SPMAP2: variants seen among roughly 807,000 people sequenced by gnomAD.
The protein encoded by SPMAP2 is sperm microtubule associated protein 2.
the SPMAP2 span, among the ~76,000 whole-genome samples, chr19:365,237 T>A: frequency 1.3e-5 from 2 of 152,236 alleles, no homozygotes; most frequent in Non-Finnish European, 2.9e-5. Flanking sequence ...GCATGCTAAT[T>A]GTCTCTTCTG....
At chr19:365,791 T>C in the SPMAP2 span, among the ~76,000 whole-genome samples, 2 of 151,910 alleles carry the variant, frequency 1.3e-5, no homozygotes, top group Admixed American at 1.3e-4. Context: ...AGCCACACTC[T>C]CGCTCTAACC....
At chr19:373,991 C>G in the SPMAP2 span, 3 of 1,613,526 alleles carry the variant, frequency 1.9e-6, no homozygotes, top group Non-Finnish European at 2.5e-6. Flanking sequence ...CCAGGCATAC[C>G]CCTTACCACA....
chr19:362,500 G>T, the SPMAP2 span: 1 of 1,253,514 alleles, frequency 8.0e-7, no homozygotes, highest in Non-Finnish European at 1.1e-6. Flanking sequence ...GGGCATGGGA[G>T]CTCACACCTG....
At chr19:369,241 G>A in the SPMAP2 span, among the ~76,000 whole-genome samples, 6 of 152,132 alleles carry the variant, frequency 3.9e-5, no homozygotes, top group African/African-American at 7.2e-5. Context: ...CGCGAGAAAC[G>A]GCCAAAACGT....
the SPMAP2 span, among the ~76,000 whole-genome samples, chr19:363,085 G>A: frequency 2.6e-5 from 4 of 152,214 alleles, no homozygotes; most frequent in South Asian, 2.1e-4. Context: ...TGATGGGGGC[G>A]GGGCTGCCTT....
the SPMAP2 span, chr19:373,652 G>T: frequency 1.1e-6 from 1 of 921,764 alleles, no homozygotes; most frequent in Non-Finnish European, 1.7e-6. Flanking sequence ...GGGAGAGGGG[G>T]TAGGCCAGAG....
At chr19:373,540 A>G in the SPMAP2 span, 1 of 1,612,806 alleles carries the variant, frequency 6.2e-7, no homozygotes, top group Non-Finnish European at 8.5e-7. Context: ...GCCTGGAATA[A>G]GCGGACGGCT....
At chr19:373,396 A>T in the SPMAP2 span, 347 of 1,430,834 alleles carry the variant, frequency 2.4e-4, 1 homozygote, top group Non-Finnish European at 3.3e-4. Context: ...AGAAGTATCT[A>T]GATGGGGCGG....
chr19:372,717 A>G, the SPMAP2 span: 1 of 1,613,872 alleles, frequency 6.2e-7, no homozygotes, highest in South Asian at 1.1e-5. Flanking sequence ...AAAATGGGAA[A>G]CGGAGTCAGT....
chr19:364,061 C>G, the SPMAP2 span, among the ~76,000 whole-genome samples: 1 of 151,282 alleles, frequency 6.6e-6, no homozygotes, highest in Non-Finnish European at 1.5e-5. Flanking sequence ...CGGTTGGGCG[C>G]GGTGGCTCAT....
the SPMAP2 span, among the ~76,000 whole-genome samples, chr19:365,710 CCCCA>C: frequency 6.8e-6 from 1 of 147,370 alleles, no homozygotes; most frequent in African/African-American, 2.6e-5. Flanking sequence ...TCACTCTTAC[CCCCA>C]CCACACAGCA....
At chr19:375,193 T>G in the SPMAP2 span, among the ~76,000 whole-genome samples, 1 of 152,196 alleles carries the variant, frequency 6.6e-6, no homozygotes, top group African/African-American at 2.4e-5. Context: ...CAGTGCTGAT[T>G]GGCCGAAGCG....
At chr19:373,667 A>G in the SPMAP2 span, 1 of 625,884 alleles carries the variant, frequency 1.6e-6, no homozygotes, top group Non-Finnish European at 2.8e-6. Context: ...CCAGAGAAGG[A>G]CAGTGGGGGG....
chr19:366,580 T>C, the SPMAP2 span, among the ~76,000 whole-genome samples: 1 of 152,196 alleles, frequency 6.6e-6, no homozygotes, highest in African/African-American at 2.4e-5. Context: ...GGAGAAGTTA[T>C]TGTGCAATGT....
chr19:363,787 G>A, the SPMAP2 span, among the ~76,000 whole-genome samples: 7,115 of 151,078 alleles, frequency 0.047, 538 homozygotes, highest in African/African-American at 0.16. Flanking sequence ...TGCCCGCCTC[G>A]GCCTCCCAAA....
chr19:368,229 C>G, the SPMAP2 span, among the ~76,000 whole-genome samples: 1 of 152,180 alleles, frequency 6.6e-6, no homozygotes, highest in Non-Finnish European at 1.5e-5. This position sits in a 1 kb window ranked among gnomAD's most constrained non-coding sequence, Gnocchi z 4.1. Flanking sequence ...AAAGTGTGTT[C>G]TTTGATGCTT....
the SPMAP2 span, among the ~76,000 whole-genome samples, chr19:363,133 G>T: frequency 3.3e-5 from 5 of 152,316 alleles, 1 homozygote; most frequent in South Asian, 1.0e-3. Context: ...GACTGTGGTG[G>T]TGGTTGCATA....
chr19:364,783 C>A, the SPMAP2 span, among the ~76,000 whole-genome samples: 3 of 152,022 alleles, frequency 2.0e-5, no homozygotes, highest in African/African-American at 7.2e-5. Context: ...TCCCCCACCC[C>A]TTCCTTTATA....
the SPMAP2 span, chr19:375,721 G>A: frequency 6.2e-7 from 1 of 1,607,572 alleles, no homozygotes; most frequent in Admixed American, 1.7e-5. Context: ...AACTCAGAAA[G>A]TGCCTCTTTG....
Sources: allele counts gnomAD v4.1 joint callset (sites outside exome capture counted in the v4.1 genomes callset), GRCh38; gene constraint gnomAD v4.1.1; non-coding constraint Gnocchi (gnomAD v3.1); transcripts MANE v1.5; gene names NCBI Gene and HGNC (gene_info 2026-07-23, HGNC 2026-07-21).